The following ADGRE3 variants were observed in gnomAD, a reference collection of about 807,000 sequenced individuals.
The protein encoded by ADGRE3 is EGF-like module receptor 3.
ADGRE3 carries 88 observed loss-of-function variants against 80.1 expected under a neutral mutation model. The observed-to-expected ratio is 1.10, with a 90% CI of 0.93 to 1.31. The LOEUF is 1.31. ADGRE3 is among the 40% of genes most tolerant of loss of function. The probability of loss-of-function intolerance (pLI) is 0.00; values close to 1 mark genes in which losing one functional copy is unlikely to be tolerated. For synonymous variants in ADGRE3, 281 were observed against 294.8 expected (o/e 0.95, Z 0.48); for missense variants, 715 against 776.5 (o/e 0.92, Z 0.94).
the ADGRE3 span, among the ~76,000 whole-genome samples, chr19:14,600,682 C>T: frequency 5.5e-5 from 8 of 144,920 alleles, no homozygotes; most frequent in Non-Finnish European, 7.6e-5. Context: ...CCCGGGTTCA[C>T]GCCATTCTCC....
chr19:14,636,065 C>CTTT (rs1971045545), intron 11 of ADGRE3, among the ~76,000 whole-genome samples: 10 of 95,506 alleles, frequency 1.0e-4, no homozygotes, highest in Admixed American at 5.9e-4. Flanking sequence ...TCCTTCCTTT[C>CTTT]CTTTCCTTTC....
intron 6 of ADGRE3, among the ~76,000 whole-genome samples, chr19:14,652,665 C>A (rs1971639061): frequency 6.6e-6 from 1 of 150,910 alleles, no homozygotes. Context: ...TTAATCCCAG[C>A]TACTAGGAAG....
chr19:14,627,683 T>A (rs1049656114), intron 14 of ADGRE3, among the ~76,000 whole-genome samples: 3 of 151,980 alleles, frequency 2.0e-5, no homozygotes, highest in Non-Finnish European at 4.4e-5. Context: ...TTGGCTGGGT[T>A]CCATTGTGGA....
intron 3 of ADGRE3, among the ~76,000 whole-genome samples, chr19:14,662,581 T>A (rs1309067489): frequency 1.3e-5 from 2 of 152,102 alleles, no homozygotes; most frequent in Non-Finnish European, 2.9e-5. Flanking sequence ...ACACGGGGTT[T>A]CACTATGTTG....
chr19:14,656,929 T>C (rs538717504), intron 5 of ADGRE3, among the ~76,000 whole-genome samples: 2 of 152,294 alleles, frequency 1.3e-5, no homozygotes, highest in East Asian at 3.9e-4. Flanking sequence ...GGAGTCTTAC[T>C]CTGTTGCCCA....
rs775153907 is a variant in ADGRE3, at chr19:14,655,081, T to C, written c.478A>G (p.Thr160Ala). 6.2e-7 allele frequency: 1 copy of C among 1,614,082 alleles called. No homozygotes were observed. Among genetic ancestry groups the C allele is most frequent in the South Asian group, 1.1e-5 (1 of 91,088 alleles). ...ACATCCCGGAGAATAGTGGTAGCTG[T>C]GGATGAGATTTCTTGTCTCCCTTCT... ...RTEGRQEISS[T>A]ATTILRDVES... is the part of the protein sequence containing the mutation. The change falls in exon 6 of 16, where the codon ACA becomes GCA. Residue 160 changes from threonine to alanine, a missense_variant. Coordinates refer to ENST00000253673, the MANE Select transcript of ADGRE3 (RefSeq NM_032571.5).
At chr19:14,620,557 T>TGA (rs1970562590) in intron 15 of ADGRE3, among the ~76,000 whole-genome samples, 1 of 35,680 alleles carries the variant, frequency 2.8e-5, no homozygotes, top group Non-Finnish European at 4.9e-5. Context: ...ATTATATATA[T>TGA]ATATATATAT....
chr19:14,640,594 G>A (rs28626735), intron 10 of ADGRE3, among the ~76,000 whole-genome samples: 2,521 of 151,948 alleles, frequency 0.017, 74 homozygotes, highest in African/African-American at 0.058. Context: ...CCCGGCCACC[G>A]AGACAACTTT....
chr19:14,600,125 G>A, the ADGRE3 span: 1 of 1,613,912 alleles, frequency 6.2e-7, no homozygotes, highest in African/African-American at 1.3e-5. Flanking sequence ...ATGAGGCCCG[G>A]ATGTTCTGCC....
In ADGRE3 at chr19:14,632,963, A is replaced by G. The variant is rs947445050; in HGVS notation, c.1601T>C (p.Leu534Pro). The G allele has an allele frequency of 7.4e-6, 12 of 1,613,990 alleles. No homozygotes were observed. Among genetic ancestry groups the G allele is most frequent in the Non-Finnish European group, 1.0e-5 (12 of 1,179,892 alleles). ...ILVFWILKRK[L>P]SSLNSEVSTI... ...TGACACTTCACTATTGAGGGAGGAA[A>G]GTTTTCTTTTCAAAATCCAAAAGAC... Residue 534 changes from leucine to proline, a missense_variant, in exon 13 of 16, where the codon CTT becomes CCT. Physicochemically the swap from Leu to Pro is moderately conservative, Grantham distance 98 (BLOSUM62 -3). Coordinates refer to ENST00000253673, the MANE Select transcript of ADGRE3 (RefSeq NM_032571.5).
intron 2 of ADGRE3, chr19:14,668,524 T>G: frequency 2.1e-6 from 1 of 479,868 alleles, no homozygotes; most frequent in Non-Finnish European, 3.7e-6. Flanking sequence ...GTCTGCTTCA[T>G]GAGACTTTGT....
intron 6 of ADGRE3, among the ~76,000 whole-genome samples, chr19:14,654,016 G>A (rs551342252): frequency 1.8e-4 from 27 of 148,786 alleles, no homozygotes; most frequent in Non-Finnish European, 3.7e-4. Context: ...GCAGTGATGT[G>A]ATCTCGGCTC....
chr19:14,611,573 G>A, the ADGRE3 span, among the ~76,000 whole-genome samples: 1 of 151,836 alleles, frequency 6.6e-6, no homozygotes, highest in Non-Finnish European at 1.5e-5. Context: ...AGGCATACCA[G>A]CTGAAAAGCA....
chr19:14,663,458 A>C lies in ADGRE3; in HGVS notation c.159T>G (p.Ser53=), dbSNP rs771996069. 6.2e-7 allele frequency: 1 copy of C among 1,613,016 alleles called. No homozygotes were observed. The highest frequency in any genetic ancestry group is 8.5e-7 in the Non-Finnish European group (1 of 1,179,252). The stretch of plus-strand genomic sequence containing the variant: ...AGGGGAATGTGAATAGTTTCTGCCC[A>C]GATCCAGAAGTATATCCATGGTTGC... ...CTCNHGYTSG[S]GQKLFTFPLE... is the part of the protein sequence containing the mutation. The change falls in exon 3 of 16, where the codon TCT becomes TCG. Residue 53 remains serine, a synonymous_variant. Transcript: ENST00000253673.
At chr19:14,654,110 G>A (rs1394268333) in intron 6 of ADGRE3, among the ~76,000 whole-genome samples, 1 of 149,700 alleles carries the variant, frequency 6.7e-6, no homozygotes, top group Non-Finnish European at 1.5e-5. Context: ...GAGCTACCAC[G>A]CCCCGCTAAT....
At chr19:14,604,647 C>A in the ADGRE3 span, among the ~76,000 whole-genome samples, 1 of 151,888 alleles carries the variant, frequency 6.6e-6, no homozygotes, top group Non-Finnish European at 1.5e-5. Context: ...GCTGTAATCC[C>A]AGCTACTCAG....
chr19:14,625,683 A>G, intron 14 of ADGRE3, 84 bp from the exon 15 acceptor site: 2 of 763,968 alleles, frequency 2.6e-6, no homozygotes, highest in Non-Finnish European at 4.6e-6. Flanking sequence ...AAGAGGATAG[A>G]GATGTATTAT....
chr19:14,637,439 G>C (rs1372321428), intron 11 of ADGRE3, among the ~76,000 whole-genome samples: 1 of 149,102 alleles, frequency 6.7e-6, no homozygotes, highest in Admixed American at 6.7e-5. Context: ...TGTCACCCAG[G>C]CTGGAATGTA....
chr19:14,649,350 C>A (rs150959783), intron 7 of ADGRE3, among the ~76,000 whole-genome samples: 105 of 149,228 alleles, frequency 7.0e-4, no homozygotes, highest in African/African-American at 2.5e-3. Flanking sequence ...CTCTCTTTTT[C>A]CATCTCTCTC....
Sources: allele counts gnomAD v4.1 joint callset (sites outside exome capture counted in the v4.1 genomes callset), GRCh38; gene constraint gnomAD v4.1.1; transcripts MANE v1.5; gene names NCBI Gene and HGNC (gene_info 2026-07-23, HGNC 2026-07-21).